The following NEMP2 variants were observed in gnomAD, a reference collection of about 807,000 sequenced individuals.
NEMP2 encodes UPF0571 transmembrane protein.
NEMP2 carries 53 observed loss-of-function variants against 54.2 expected under a neutral mutation model. The ratio of observed to expected loss-of-function variants is 0.98; its 90% confidence interval spans 0.78 to 1.23. The LOEUF is 1.23. Ranked by LOEUF, NEMP2 falls within the 50% of genes most tolerant of loss-of-function variation. The pLI is 0.00. For missense variants in NEMP2, 455 were observed against 511.3 expected (o/e 0.89, Z 1.06); for synonymous variants, 197 against 190.3 (o/e 1.04, Z -0.29).
the NEMP2 span, among the ~76,000 whole-genome samples, chr2:190,607,445 T>A: frequency 6.6e-6 from 1 of 152,154 alleles, no homozygotes; most frequent in East Asian, 1.9e-4. The surrounding 1 kb of genome is among the most constrained non-coding windows in gnomAD (Gnocchi z 5.2). Flanking sequence ...GGAACTACTA[T>A]GGGCAGAACT....
the NEMP2 span, among the ~76,000 whole-genome samples, chr2:190,557,104 C>T: frequency 0.28 from 42,176 of 152,094 alleles, 6,630 homozygotes; most frequent in East Asian, 0.46. Context: ...ATAAAAACAG[C>T]ATGGTACTGG....
At chr2:190,517,945 C>A (rs1426381356) in intron 4 of NEMP2, among the ~76,000 whole-genome samples, 1 of 152,174 alleles carries the variant, frequency 6.6e-6, no homozygotes, top group African/African-American at 2.4e-5. Context: ...AAAAAATCTT[C>A]CCTAAGTCAG....
intron 6 of NEMP2, among the ~76,000 whole-genome samples, chr2:190,515,556 T>C (rs1690522481): frequency 6.6e-6 from 1 of 152,220 alleles, no homozygotes; most frequent in African/African-American, 2.4e-5. Flanking sequence ...CTCTTGTTTT[T>C]CAGAGAGGAA....
the NEMP2 span, among the ~76,000 whole-genome samples, chr2:190,633,347 CTT>C: frequency 7.2e-6 from 1 of 139,482 alleles, no homozygotes; most frequent in East Asian, 2.1e-4. Context: ...GGGTTTCGCT[CTT>C]GTTGCCCAGG....
chr2:190,486,990 A>G, the NEMP2 span, among the ~76,000 whole-genome samples: 1 of 152,222 alleles, frequency 6.6e-6, no homozygotes, highest in Non-Finnish European at 1.5e-5. Flanking sequence ...AATGGTGAAG[A>G]TATAAAACTG....
At chr2:190,436,367 T>C in the NEMP2 span, 6 of 1,614,152 alleles carry the variant, frequency 3.7e-6, no homozygotes, top group East Asian at 2.2e-5. This position sits in a 1 kb window ranked among gnomAD's most constrained non-coding sequence, Gnocchi z 5.3. Context: ...CGTTACTTCA[T>C]TGAATTCTGC....
chr2:190,644,530 C>G, the NEMP2 span, among the ~76,000 whole-genome samples: 4 of 152,196 alleles, frequency 2.6e-5, no homozygotes, highest in Non-Finnish European at 5.9e-5. The surrounding 1 kb of genome is among the most constrained non-coding windows in gnomAD (Gnocchi z 4.4). Flanking sequence ...AAATTATTCT[C>G]TTTCTCTAAT....
At chr2:190,572,873 A>ATATATATATATATATATATG in the NEMP2 span, among the ~76,000 whole-genome samples, 27 of 110,294 alleles carry the variant, frequency 2.4e-4, no homozygotes, top group Non-Finnish European at 3.0e-4. Flanking sequence ...ATATATATAT[A>ATATATATATATATATATATG]TATGTATATA....
At chr2:190,579,849 C>T in the NEMP2 span, among the ~76,000 whole-genome samples, 1 of 152,182 alleles carries the variant, frequency 6.6e-6, no homozygotes. Context: ...TAGTGGAGTA[C>T]TGAAAGAATG....
chr2:190,548,258 C>T, the NEMP2 span, among the ~76,000 whole-genome samples: 2 of 151,918 alleles, frequency 1.3e-5, no homozygotes, highest in African/African-American at 4.8e-5. Flanking sequence ...ATTTGCCTAA[C>T]ACTAATGTTT....
chr2:190,467,618 A>G, the NEMP2 span, among the ~76,000 whole-genome samples: 115 of 152,322 alleles, frequency 7.5e-4, no homozygotes, highest in South Asian at 8.3e-3. The surrounding 1 kb of genome is among the most constrained non-coding windows in gnomAD (Gnocchi z 5.5). Context: ...GTCTCAAAAA[A>G]AGAAAAAGAA....
chr2:190,581,335 G>A, the NEMP2 span, among the ~76,000 whole-genome samples: 1 of 152,258 alleles, frequency 6.6e-6, no homozygotes, highest in East Asian at 1.9e-4. Flanking sequence ...AATATAATGT[G>A]TTACACATCA....
chr2:190,575,373 A>C, the NEMP2 span, among the ~76,000 whole-genome samples: 4 of 151,396 alleles, frequency 2.6e-5, no homozygotes, highest in South Asian at 6.2e-4. Flanking sequence ...TCCTTGTAGT[A>C]TAATACTAAA....
the NEMP2 span, among the ~76,000 whole-genome samples, chr2:190,492,572 T>C: frequency 6.6e-6 from 1 of 151,986 alleles, no homozygotes; most frequent in East Asian, 1.9e-4. This position sits in a 1 kb window ranked among gnomAD's most constrained non-coding sequence, Gnocchi z 5.2. Context: ...GCAAAATCAA[T>C]ATGGAAATTT....
At chr2:190,648,492 G>T in the NEMP2 span, 1 of 149,562 alleles carries the variant, frequency 6.7e-6, no homozygotes, top group African/African-American at 2.5e-5. Context: ...GCCTGCGGGG[G>T]CCAGGGGAGC....
At chr2:190,623,034 C>T in the NEMP2 span, among the ~76,000 whole-genome samples, 1 of 151,758 alleles carries the variant, frequency 6.6e-6, no homozygotes, top group African/African-American at 2.4e-5. Flanking sequence ...TTATATATGC[C>T]AACAGTGAAC....
At chr2:190,588,684 G>C in the NEMP2 span, among the ~76,000 whole-genome samples, 1 of 152,242 alleles carries the variant, frequency 6.6e-6, no homozygotes, top group South Asian at 2.1e-4. The surrounding 1 kb of genome is among the most constrained non-coding windows in gnomAD (Gnocchi z 5.0). Flanking sequence ...AGTAGGAATT[G>C]ATGCTTGTAC....
chr2:190,424,982 T>C, the NEMP2 span, among the ~76,000 whole-genome samples: 11 of 152,348 alleles, frequency 7.2e-5, no homozygotes, highest in South Asian at 4.2e-4. The surrounding 1 kb of genome is among the most constrained non-coding windows in gnomAD (Gnocchi z 5.9). Context: ...TTGAGGAGAA[T>C]TGAAATTCAT....
At chr2:190,540,571 A>G in the NEMP2 span, among the ~76,000 whole-genome samples, 2 of 152,212 alleles carry the variant, frequency 1.3e-5, no homozygotes, top group East Asian at 1.9e-4. Flanking sequence ...GATTACAGGC[A>G]TGAGCCAGCA....
Sources: allele counts gnomAD v4.1 joint callset (sites outside exome capture counted in the v4.1 genomes callset), GRCh38; gene constraint gnomAD v4.1.1; non-coding constraint Gnocchi (gnomAD v3.1); transcripts MANE v1.5; gene names NCBI Gene and HGNC (gene_info 2026-07-23, HGNC 2026-07-21).